The following MYO16 variants were observed in gnomAD, a reference collection of about 807,000 sequenced individuals.
The protein encoded by MYO16 is unconventional myosin-XVI.
A neutral mutation model predicts 205.3 loss-of-function variants in MYO16; 94 were observed. That is an observed-to-expected ratio of 0.46 (90% CI 0.39 to 0.54). MYO16 has a LOEUF of 0.54. MYO16 is among the 20% of genes least tolerant of loss of function. The pLI is 0.00. For synonymous variants in MYO16, 988 were observed against 954.0 expected (o/e 1.04, Z -0.66); for missense variants, 2,315 against 2,387.5 (o/e 0.97, Z 0.63).
chr13:108,621,866 G>A (rs1235820995), intron 1 of MYO16, among the ~76,000 whole-genome samples: 6 of 152,010 alleles, frequency 3.9e-5, no homozygotes, highest in Non-Finnish European at 8.8e-5. Flanking sequence ...ATAGTATTTT[G>A]CTATAATTGT....
At position 108,962,486 on chromosome 13, in the gene MYO16, T is replaced by C; in HGVS notation, c.2218T>C (p.Tyr740His). The C allele has an allele frequency of 6.3e-7, 1 of 1,577,538 alleles. No homozygotes were observed. ...LASALTTDIQYFKGDMIIRRH... is the reference protein window; with the variant it reads ...LASALTTDIQHFKGDMIIRRH... ...ATCTGCCTTAACAACTGATATTCAA[T>C]ATTTTAAAGGTAATTTTTTTATGCT... Residue 740 changes from tyrosine to histidine, a missense_variant, in exon 19 of 35, where the codon TAT (tyrosine) becomes CAT (histidine). By Grantham distance (83) the Tyr-to-His change is moderately conservative. Transcript: ENST00000457511.
chr13:108,842,374 G>A (rs989811631), intron 9 of MYO16, among the ~76,000 whole-genome samples: 6 of 151,858 alleles, frequency 4.0e-5, no homozygotes, highest in African/African-American at 1.5e-4. Context: ...ATGATAAGGG[G>A]TAAATATCTA....
At chr13:108,836,840 A>G (rs1034625144) in intron 9 of MYO16, among the ~76,000 whole-genome samples, 7 of 152,174 alleles carry the variant, frequency 4.6e-5, no homozygotes, top group Admixed American at 3.3e-4. Context: ...CCCCTAGTGT[A>G]TCTAGGAAGT....
At chr13:108,930,178 T>C (rs2139288581) in intron 16 of MYO16, among the ~76,000 whole-genome samples, 1 of 152,330 alleles carries the variant, frequency 6.6e-6, no homozygotes, top group South Asian at 2.1e-4. Flanking sequence ...TATAGATGGA[T>C]TGTTAACTTT....
chr13:108,714,327 T>A (rs1305411624), intron 3 of MYO16, among the ~76,000 whole-genome samples: 2 of 152,318 alleles, frequency 1.3e-5, no homozygotes, highest in African/African-American at 2.4e-5. Flanking sequence ...AGTGCTGGGA[T>A]TACAGGCGTG....
At chr13:108,858,140 C>T (rs1011785660) in intron 11 of MYO16, among the ~76,000 whole-genome samples, 21 of 152,102 alleles carry the variant, frequency 1.4e-4, no homozygotes, top group Non-Finnish European at 8.8e-5. Flanking sequence ...TATTTTATGA[C>T]CAGTGTGTAG....
chr13:108,559,712 C>T, the MYO16 span, among the ~76,000 whole-genome samples: 3 of 151,818 alleles, frequency 2.0e-5, no homozygotes, highest in Non-Finnish European at 2.9e-5. Context: ...CCTCGTGATC[C>T]GCCCACCTCA....
intron 34 of MYO16, among the ~76,000 whole-genome samples, chr13:109,204,474 C>G (rs1296830362): frequency 1.3e-5 from 2 of 152,116 alleles, no homozygotes; most frequent in Non-Finnish European, 2.9e-5. Flanking sequence ...GACGGAGGAG[C>G]TGGCACACAC....
At chr13:108,647,596 G>A (rs967208561) in intron 1 of MYO16, among the ~76,000 whole-genome samples, 3 of 151,776 alleles carry the variant, frequency 2.0e-5, no homozygotes, top group Non-Finnish European at 4.4e-5. Context: ...ACTTAAAATT[G>A]AGAAATTTTT....
intron 10 of MYO16, among the ~76,000 whole-genome samples, chr13:108,849,277 G>A (rs1483978058): frequency 6.6e-6 from 1 of 152,004 alleles, no homozygotes; most frequent in Non-Finnish European, 1.5e-5. Flanking sequence ...TGCAACCTCC[G>A]CCTCCCGGGT....
chr13:109,141,528 G>T lies in MYO16; in HGVS notation c.5164+152G>T. 1.0e-5 allele frequency: 5 copies of T among 498,522 alleles called. No homozygotes were observed. Among genetic ancestry groups the T allele is most frequent in the Middle Eastern group, 2.9e-4 (1 of 3,490 alleles). 30.9% of individuals were successfully genotyped at this position (498,522 alleles called of 1,614,324 possible). A position where few individuals can be genotyped will look rare whatever the true frequency, so the allele number is the denominator to read the frequency against. On this transcript the variant is annotated intron_variant, in intron 32 of 34. Transcript: ENST00000457511. This position sits in a 1 kb window ranked among gnomAD's most constrained non-coding sequence, Gnocchi z 4.1. Reference sequence around the variant, plus strand: ...CAGATATCAGCTTTAAAAAAAAATCGTATACACCCACTGTGACCAAATAGG... The same window carrying T: ...CAGATATCAGCTTTAAAAAAAAATCTTATACACCCACTGTGACCAAATAGG...
At position 108,785,623 on chromosome 13, in the gene MYO16, C is replaced by A. The variant is rs369779115; in HGVS notation, c.508-12C>A. ...AGTATATATGATGTTATATTTTTTT[C>A]TTTTTATCTAGGCTGGAGCCAATGT... On this transcript the variant is annotated splice_polypyrimidine_tract_variant and intron_variant, in intron 4 of 34. Transcript: ENST00000457511. 30 of 1,547,604 alleles carry A rather than the reference C, an allele frequency of 1.9e-5. No homozygotes were observed. Among genetic ancestry groups the A allele is most frequent in the Non-Finnish European group, 2.5e-5 (28 of 1,141,338 alleles).
At chr13:108,545,351 G>T in the MYO16 span, among the ~76,000 whole-genome samples, 62,027 of 151,994 alleles carry the variant, frequency 0.41, 14,010 homozygotes, top group African/African-American at 0.6. Flanking sequence ...TTTTTATGGC[G>T]GCATAGTATT....
the MYO16 span, among the ~76,000 whole-genome samples, chr13:108,510,485 T>TTTTTTA: frequency 1.0e-5 from 1 of 96,472 alleles, no homozygotes; most frequent in Non-Finnish European, 2.2e-5. Flanking sequence ...TTTTTTTTTT[T>TTTTTTA]ATTGTACTTT....
At chr13:108,912,569 A>C (rs1278842229) in intron 16 of MYO16, among the ~76,000 whole-genome samples, 2 of 152,138 alleles carry the variant, frequency 1.3e-5, no homozygotes, top group Non-Finnish European at 2.9e-5. Context: ...CTTGTACTCA[A>C]GTGAATACCT....
chr13:108,816,422 C>T (rs1445196457), intron 7 of MYO16, among the ~76,000 whole-genome samples: 1 of 151,648 alleles, frequency 6.6e-6, no homozygotes. Context: ...GCCCCCCACC[C>T]ACCCCAAGTA....
At chr13:108,579,240 G>T in the MYO16 span, among the ~76,000 whole-genome samples, 1 of 152,204 alleles carries the variant, frequency 6.6e-6, no homozygotes, top group South Asian at 2.1e-4. Context: ...TTTTGACTGA[G>T]TCTCTTGCAG....
intron 20 of MYO16, among the ~76,000 whole-genome samples, chr13:108,967,861 TG>T (rs1466519817): frequency 6.6e-6 from 1 of 152,206 alleles, no homozygotes; most frequent in Non-Finnish European, 1.5e-5. Flanking sequence ...TGCTCACAGT[TG>T]TGACTACAGT....
At chr13:109,017,367 A>G (rs1885865305) in intron 22 of MYO16, among the ~76,000 whole-genome samples, 1 of 152,138 alleles carries the variant, frequency 6.6e-6, no homozygotes, top group Admixed American at 6.5e-5. Context: ...TTTGTGGGTA[A>G]CCCGACCTTT....
Sources: gnomAD v4.1 joint callset for allele counts (sites outside exome capture counted in the v4.1 genomes callset) on GRCh38, gnomAD v4.1.1 for gene constraint, Gnocchi (gnomAD v3.1) non-coding constraint, MANE v1.5 for transcripts, NCBI Gene and HGNC (gene_info 2026-07-23, HGNC 2026-07-21) for gene names.